Variants in PHACTR1 observed in about 807,000 individuals in gnomAD.
PHACTR1 encodes the protein phosphatase and actin regulator 1, also known as RPEL repeat containing 1.
In PHACTR1, 16 loss-of-function variants were observed where a neutral mutation model predicts 69.2. The observed-to-expected ratio is 0.23, with a 90% CI of 0.16 to 0.35. The LOEUF is 0.35. Ranked by LOEUF, PHACTR1 falls within the 10% of genes least tolerant of loss-of-function variation. PHACTR1 has a pLI of 1.00. For synonymous variants in PHACTR1, 312 were observed against 284.5 expected, an observed-to-expected ratio of 1.10 and a Z score of -0.97; for missense variants, 510 against 734.7, an observed-to-expected ratio of 0.69 and a Z score of 3.54.
chr6:12,775,063 G>A (rs1769880488), intron 4 of PHACTR1, among the ~76,000 whole-genome samples: 1 of 152,164 alleles, frequency 6.6e-6, no homozygotes, highest in South Asian at 2.1e-4. Flanking sequence ...ACTAGCTGGA[G>A]TGTCCTGTGA....
At chr6:13,003,950 C>CATATATAT (rs1562119669) in intron 4 of PHACTR1, among the ~76,000 whole-genome samples, 31 of 81,354 alleles carry the variant, frequency 3.8e-4, no homozygotes, top group African/African-American at 1.8e-3. Context: ...CAGTAGTATT[C>CATATATAT]CTATATATAT....
At chr6:13,189,569 T>C (rs1275956216) in intron 7 of PHACTR1, among the ~76,000 whole-genome samples, 1 of 152,086 alleles carries the variant, frequency 6.6e-6, no homozygotes, top group Non-Finnish European at 1.5e-5. Flanking sequence ...TGGCTAACTT[T>C]TGTATTTTTT....
intron 4 of PHACTR1, among the ~76,000 whole-genome samples, chr6:12,823,903 T>C (rs1383395985): frequency 6.6e-6 from 1 of 152,198 alleles, no homozygotes; most frequent in Non-Finnish European, 1.5e-5. Flanking sequence ...ATTTCATACA[T>C]TCCTGAATTA....
At chr6:12,723,998 GA>G (rs1204475307) in intron 3 of PHACTR1, among the ~76,000 whole-genome samples, 1 of 152,172 alleles carries the variant, frequency 6.6e-6, no homozygotes, top group Non-Finnish European at 1.5e-5. Flanking sequence ...CACTTTAAAT[GA>G]ATTTGAACCA....
intron 12 of PHACTR1, among the ~76,000 whole-genome samples, chr6:13,282,732 G>T (rs988275921): frequency 4.1e-5 from 6 of 147,996 alleles, no homozygotes; most frequent in Non-Finnish European, 8.8e-5. Context: ...CACTCGATGT[G>T]ACACAGATGT....
intron 5 of PHACTR1, among the ~76,000 whole-genome samples, chr6:13,099,829 A>G (rs1030536159): frequency 2.0e-5 from 3 of 152,336 alleles, no homozygotes; most frequent in Admixed American, 6.5e-5. Flanking sequence ...AAATTGAGAA[A>G]CAAACAAGAC....
chr6:12,790,867 C>A (rs570400581), intron 4 of PHACTR1, among the ~76,000 whole-genome samples: 2 of 152,242 alleles, frequency 1.3e-5, no homozygotes, highest in African/African-American at 4.8e-5. Flanking sequence ...TGATCCTTGG[C>A]CATGTGTGGG....
intron 4 of PHACTR1, among the ~76,000 whole-genome samples, chr6:12,909,938 T>A (rs1301936031): frequency 6.6e-6 from 1 of 152,230 alleles, no homozygotes; most frequent in Non-Finnish European, 1.5e-5. Flanking sequence ...AAGCCCCACA[T>A]TCGAAGATCC....
chr6:12,976,947 A>G (rs1794949743), intron 4 of PHACTR1, among the ~76,000 whole-genome samples: 2 of 152,200 alleles, frequency 1.3e-5, no homozygotes, highest in Admixed American at 6.5e-5. Flanking sequence ...CATAGTATGT[A>G]TAGGGTTCGC....
chr6:12,839,555 T>C (rs1451910986), intron 4 of PHACTR1, among the ~76,000 whole-genome samples: 1 of 152,120 alleles, frequency 6.6e-6, no homozygotes, highest in Non-Finnish European at 1.5e-5. Context: ...GCTGGGTTCC[T>C]TCTGCCTGGT....
chr6:12,872,921 C>A (rs1782185068), intron 4 of PHACTR1, among the ~76,000 whole-genome samples: 1 of 151,820 alleles, frequency 6.6e-6, no homozygotes, highest in African/African-American at 2.4e-5. Context: ...TTCCTTCCTC[C>A]CTTCTTTCTT....
chr6:12,837,551 A>G (rs917074772), intron 4 of PHACTR1, among the ~76,000 whole-genome samples: 26 of 152,198 alleles, frequency 1.7e-4, no homozygotes, highest in African/African-American at 5.8e-4. Context: ...ACTTCTGAAA[A>G]ATAAAGATAA....
chr6:12,953,894 T>C (rs1416716398), intron 4 of PHACTR1, among the ~76,000 whole-genome samples: 4 of 152,204 alleles, frequency 2.6e-5, no homozygotes, highest in Non-Finnish European at 5.9e-5. Context: ...CATAGGTAAA[T>C]GACACACATA....
At chr6:13,211,791 C>G (rs1290996093) in intron 8 of PHACTR1, among the ~76,000 whole-genome samples, 2 of 152,190 alleles carry the variant, frequency 1.3e-5, no homozygotes, top group Non-Finnish European at 2.9e-5. Context: ...ACTGCAGTTT[C>G]TCCCACCTGT....
chr6:13,227,869 C>T lies in PHACTR1; in HGVS notation c.1040C>T (p.Ser347Leu), dbSNP rs768182628. 5.6e-6 allele frequency: 9 copies of T among 1,613,984 alleles called. No individual in the cohort carries two copies. Among genetic ancestry groups the T allele is most frequent in the Middle Eastern group, 1.6e-4 (1 of 6,062 alleles). Residue 347 changes from serine (S) to leucine (L), a missense_variant, in exon 9 of 15, where the codon TCG (serine) becomes TTG (leucine). Transcript: ENST00000332995. ...TCTTACCACAGCTCTGGGTTGCACTCGGGTGATGGGGTCACCAAAGCAGGA... is the reference window on the plus strand; with the variant it reads ...TCTTACCACAGCTCTGGGTTGCACTTGGGTGATGGGGTCACCAAAGCAGGA... ...STSYHSSGLH[S>L]GDGVTKAGPM...
At chr6:12,839,291 T>G (rs1261091157) in intron 4 of PHACTR1, among the ~76,000 whole-genome samples, 1 of 152,198 alleles carries the variant, frequency 6.6e-6, no homozygotes. Flanking sequence ...ATTGTATCTG[T>G]GACCAAGGAA....
intron 4 of PHACTR1, among the ~76,000 whole-genome samples, chr6:13,028,643 C>T (rs1411551339): frequency 2.6e-5 from 4 of 152,088 alleles, no homozygotes; most frequent in African/African-American, 7.2e-5. Context: ...GTGTCAGGTG[C>T]GTCCTGTACA....
intron 3 of PHACTR1, among the ~76,000 whole-genome samples, chr6:12,726,349 T>C (rs1762795724): frequency 6.6e-6 from 1 of 152,224 alleles, no homozygotes; most frequent in African/African-American, 2.4e-5. Context: ...TGAGCTTAAT[T>C]GAGCTGAGTT....
intron 5 of PHACTR1, among the ~76,000 whole-genome samples, chr6:13,108,594 A>T (rs975369680): frequency 2.0e-5 from 3 of 152,090 alleles, no homozygotes; most frequent in African/African-American, 7.2e-5. Flanking sequence ...TCACATTATT[A>T]TGTAATGATA....
Sources: allele counts gnomAD v4.1 joint callset (sites outside exome capture counted in the v4.1 genomes callset), GRCh38; gene constraint gnomAD v4.1.1; transcripts MANE v1.5; gene names NCBI Gene and HGNC (gene_info 2026-07-23, HGNC 2026-07-21).